CTDSPL: variants seen among roughly 807,000 people sequenced by gnomAD.
The protein encoded by CTDSPL is CTD small phosphatase like, also known as CTD small phosphatase-like protein.
Under a neutral mutation model 30.5 loss-of-function variants are expected in CTDSPL, and 8 were observed. The observed-to-expected ratio is 0.26, with a 90% CI of 0.15 to 0.47. The LOEUF (loss-of-function observed/expected upper bound fraction) is 0.47. Among genes scored for constraint, CTDSPL ranks in the 20% least tolerant of loss-of-function variants. CTDSPL has a pLI of 0.99. For synonymous variants in CTDSPL, 110 were observed against 137.9 expected, an observed-to-expected ratio of 0.80 and a Z score of 1.42; for missense variants, 248 against 366.1, an observed-to-expected ratio of 0.68 and a Z score of 2.63.
chr3:37,918,671 G>A (rs1364601308), intron 1 of CTDSPL, among the ~76,000 whole-genome samples: 1 of 152,154 alleles, frequency 6.6e-6, no homozygotes, highest in Non-Finnish European at 1.5e-5. Flanking sequence ...TTTCCTTACA[G>A]TAACTCTAAG....
chr3:37,912,156 G>T (rs1158639778), intron 1 of CTDSPL, among the ~76,000 whole-genome samples: 6 of 152,234 alleles, frequency 3.9e-5, no homozygotes, highest in Non-Finnish European at 8.8e-5. Context: ...TTTGGAGGGA[G>T]TGAGGGGACC....
intron 1 of CTDSPL, among the ~76,000 whole-genome samples, chr3:37,893,962 C>T (rs1243200891): frequency 1.3e-5 from 2 of 152,110 alleles, no homozygotes; most frequent in African/African-American, 2.4e-5. Context: ...CGTGGCTAAC[C>T]ATTAGTATAA....
At chr3:37,884,646 T>C (rs1575281295) in intron 1 of CTDSPL, among the ~76,000 whole-genome samples, 1 of 151,834 alleles carries the variant, frequency 6.6e-6, no homozygotes, top group African/African-American at 2.4e-5. Flanking sequence ...AAAGAAGGGG[T>C]AATCGGCTGA....
chr3:37,964,132 T>G (rs1248461325), intron 3 of CTDSPL, among the ~76,000 whole-genome samples: 1 of 145,142 alleles, frequency 6.9e-6, no homozygotes, highest in Non-Finnish European at 1.5e-5. Context: ...AGGCAAAATA[T>G]GACCCCACGA....
intron 4 of CTDSPL, among the ~76,000 whole-genome samples, chr3:37,966,685 A>G (rs1699302047): frequency 6.6e-6 from 1 of 152,232 alleles, no homozygotes; most frequent in Non-Finnish European, 1.5e-5. Context: ...TAACGGTGCT[A>G]TGACCTAGCA....
chr3:37,911,776 C>T (rs1049942463), intron 1 of CTDSPL: 2 of 455,338 alleles, frequency 4.4e-6, no homozygotes, highest in Non-Finnish European at 8.8e-6. Context: ...AGAAGGAGGA[C>T]AGCCAGGCGC....
In CTDSPL at chr3:37,982,918, C is replaced by T. The variant is rs1481915517; in HGVS notation, c.*2051C>T. 1 of 223,274 alleles carries T rather than the reference C, an allele frequency of 4.5e-6. No individual in the cohort carries two copies. Among genetic ancestry groups the T allele is most frequent in the African/African-American group, 2.3e-5 (1 of 43,412 alleles). The allele number at this position is 223,274 out of a possible 1,614,324, so 13.8% of individuals were successfully genotyped here. A position where few individuals can be genotyped will look rare whatever the true frequency, so the allele number is the denominator to read the frequency against. ...CTAATGAGAGCCTTAGACCCTCAAC[C>T]ATGCCCCCTTCGTTGGCATCACAGG... On this transcript the variant is annotated 3_prime_UTR_variant, in exon 8 of 8. Coordinates refer to ENST00000273179, the MANE Select transcript of CTDSPL (RefSeq NM_001008392.2).
In CTDSPL at chr3:37,938,124, G is replaced by C. The variant is rs551244594; in HGVS notation, c.80-8933G>C. 4.5e-4 allele frequency among the ~76,000 whole-genome samples: 67 copies of C among 150,362 alleles called. 3 individuals carry two copies. The highest frequency in any genetic ancestry group is 1.6e-3 in the African/African-American group (65 of 41,382). ...TTTCCACCTACATTCCAGCTACTCT[G>C]ATCTTGTCCTGAACTCCTTTGATTG... On this transcript the variant is annotated intron_variant, in intron 1 of 7. Coordinates refer to ENST00000273179, the MANE Select transcript of CTDSPL (RefSeq NM_001008392.2).
intron 2 of CTDSPL, among the ~76,000 whole-genome samples, chr3:37,948,942 TCC>T (rs1699077021): frequency 6.7e-6 from 1 of 148,442 alleles, no homozygotes; most frequent in African/African-American, 2.5e-5. Flanking sequence ...TGCCTCAGCC[TCC>T]CGAGTAGCTG....
intron 1 of CTDSPL, among the ~76,000 whole-genome samples, chr3:37,934,554 C>T (rs767381018): frequency 5.3e-5 from 8 of 152,200 alleles, no homozygotes; most frequent in Non-Finnish European, 7.3e-5. Context: ...GTATATTTTA[C>T]ATAATCTCTC....
chr3:37,872,514 G>T (rs577276046), intron 1 of CTDSPL, among the ~76,000 whole-genome samples: 1 of 141,078 alleles, frequency 7.1e-6, no homozygotes, highest in South Asian at 2.3e-4. Context: ...AGGTGGAGTG[G>T]ATGTCAAGTC....
At chr3:37,900,567 T>C (rs1422176697) in intron 1 of CTDSPL, among the ~76,000 whole-genome samples, 7 of 152,214 alleles carry the variant, frequency 4.6e-5, no homozygotes, top group Admixed American at 6.5e-5. Flanking sequence ...AGAAATCTTA[T>C]GAAATATAGA....
At position 37,903,318 on chromosome 3, in the gene CTDSPL, G is replaced by A. The variant is rs1575290294; in HGVS notation, c.79+41040G>A. On this transcript the variant is annotated intron_variant, in intron 1 of 7. Coordinates refer to ENST00000273179, the MANE Select transcript of CTDSPL (RefSeq NM_001008392.2). ...AAGGACAGTTGTCAGGACAAATGAG[G>A]GAATATGTATGCACATACTTTGAAA... is the stretch of plus-strand genomic sequence containing the variant. Among the ~76,000 whole-genome samples the A allele has an allele frequency of 2.2e-5, 3 of 139,172 alleles. No homozygotes were observed. In the East Asian group the frequency reaches 5.8e-4, roughly 27 times the overall value. The allele number at this position is 139,172 out of a possible 152,430, so 91.3% of individuals were successfully genotyped here. A position where few individuals can be genotyped will look rare whatever the true frequency, so the allele number is the denominator to read the frequency against.
chr3:37,875,107 G>A (rs1297498518), intron 1 of CTDSPL, among the ~76,000 whole-genome samples: 1 of 152,016 alleles, frequency 6.6e-6, no homozygotes, highest in Non-Finnish European at 1.5e-5. Flanking sequence ...TGTCTTTATG[G>A]CTCTGAAATA....
intron 1 of CTDSPL, among the ~76,000 whole-genome samples, chr3:37,942,673 G>T (rs956559123): frequency 6.7e-6 from 1 of 150,116 alleles, no homozygotes; most frequent in African/African-American, 2.4e-5. Flanking sequence ...TGGAGTGCTT[G>T]CTCTATGCTA....
intron 1 of CTDSPL, among the ~76,000 whole-genome samples, chr3:37,897,351 C>G (rs554129389): frequency 6.6e-6 from 1 of 152,120 alleles, no homozygotes. Flanking sequence ...CTGCACATGT[C>G]GCAGGTAAGT....
rs1699508124 is a variant in CTDSPL, at chr3:37,982,855, GTGTC to G, written c.*1993_*1996del. ...TAAATGTCTTGAATGTTGCAGTCAA[GTGTC>G]TGTCATGTGTTGATATCCACACAGA... On this transcript the variant is annotated 3_prime_UTR_variant, in exon 8 of 8. Coordinates refer to ENST00000273179, the MANE Select transcript of CTDSPL (RefSeq NM_001008392.2). 1 of 357,190 alleles carries G rather than the reference GTGTC, an allele frequency of 2.8e-6. No homozygotes were observed. Among genetic ancestry groups the G allele is most frequent in the Non-Finnish European group, 5.6e-6 (1 of 179,908 alleles). The allele number at this position is 357,190 out of a possible 1,614,324, so 22.1% of individuals were successfully genotyped here.
intron 1 of CTDSPL, among the ~76,000 whole-genome samples, chr3:37,892,756 G>A (rs1019494982): frequency 6.6e-6 from 1 of 152,068 alleles, no homozygotes; most frequent in Non-Finnish European, 1.5e-5. Flanking sequence ...TAAATGGGAG[G>A]GTCAATCCTT....
At chr3:37,921,884 G>A (rs1698720734) in intron 1 of CTDSPL, among the ~76,000 whole-genome samples, 2 of 152,150 alleles carry the variant, frequency 1.3e-5, no homozygotes, top group African/African-American at 4.8e-5. Context: ...CCAGGTCATG[G>A]GGAATGAAGA....
Sources: gnomAD v4.1 joint callset for allele counts (sites outside exome capture counted in the v4.1 genomes callset) on GRCh38, gnomAD v4.1.1 for gene constraint, MANE v1.5 for transcripts, NCBI Gene and HGNC (gene_info 2026-07-23, HGNC 2026-07-21) for gene names.